ANGPT2: variants seen among roughly 807,000 people sequenced by gnomAD.
ANGPT2 encodes the protein angiopoietin-2.
In ANGPT2, 28 loss-of-function variants were observed where a neutral mutation model predicts 62.9. The ratio of observed to expected loss-of-function variants is 0.44; its 90% confidence interval spans 0.33 to 0.61. The LOEUF (loss-of-function observed/expected upper bound fraction) is 0.61. ANGPT2 is among the 20% of genes least tolerant of loss of function. ANGPT2 has a pLI of 0.03. For synonymous variants in ANGPT2, 284 were observed against 207.8 expected (o/e 1.37, Z -3.15); for missense variants, 727 against 594.9 (o/e 1.22, Z -2.31).
At chr8:6,516,923 G>C (rs1472418975) in intron 5 of ANGPT2, among the ~76,000 whole-genome samples, 1 of 152,132 alleles carries the variant, frequency 6.6e-6, no homozygotes, top group East Asian at 1.9e-4. Context: ...TAAATGATTT[G>C]AGCCATATGA....
intron 8 of ANGPT2, among the ~76,000 whole-genome samples, chr8:6,505,309 A>ATTCTTT (rs1377053213): frequency 7.5e-5 from 4 of 53,562 alleles, no homozygotes; most frequent in African/African-American, 4.4e-4. Context: ...ATATGTATAT[A>ATTCTTT]ACATATATAT....
intron 2 of ANGPT2, among the ~76,000 whole-genome samples, chr8:6,527,989 G>A (rs1023610166): frequency 1.3e-5 from 2 of 148,506 alleles, no homozygotes; most frequent in Admixed American, 1.4e-4. Context: ...TCCGCCTCCC[G>A]GGTTCAAGCA....
At chr8:6,513,407 A>C (rs552342039) in intron 7 of ANGPT2, among the ~76,000 whole-genome samples, 79 of 145,582 alleles carry the variant, frequency 5.4e-4, no homozygotes, top group Middle Eastern at 3.6e-3. Flanking sequence ...ATCTCGGCTC[A>C]CTGCAAGCTC....
chr8:6,550,349 G>A (rs1438089836), intron 1 of ANGPT2, among the ~76,000 whole-genome samples: 1 of 152,150 alleles, frequency 6.6e-6, no homozygotes, highest in African/African-American at 2.4e-5. Context: ...TGTGGCGTGG[G>A]GCTGTTGCAC....
chr8:6,518,508 G>A (rs193015812), intron 5 of ANGPT2, among the ~76,000 whole-genome samples: 2 of 152,272 alleles, frequency 1.3e-5, no homozygotes, highest in East Asian at 3.9e-4. Context: ...TCTTTGGAAA[G>A]CATTATGTTG....
At chr8:6,537,248 A>G (rs1248974674) in intron 1 of ANGPT2, among the ~76,000 whole-genome samples, 1 of 152,242 alleles carries the variant, frequency 6.6e-6, no homozygotes, top group East Asian at 1.9e-4. Context: ...ATCTGTAGGC[A>G]CACGTGTCTG....
At chr8:6,542,972 G>A (rs1047454181) in intron 1 of ANGPT2, among the ~76,000 whole-genome samples, 3 of 152,176 alleles carry the variant, frequency 2.0e-5, no homozygotes. Flanking sequence ...GGCAGGAAGC[G>A]TGTGTTGTTT....
chr8:6,555,058 A>G (rs1266168233), intron 1 of ANGPT2, among the ~76,000 whole-genome samples: 1 of 152,194 alleles, frequency 6.6e-6, no homozygotes, highest in African/African-American at 2.4e-5. Flanking sequence ...TAAAACAGTC[A>G]TTTTAATTCC....
chr8:6,550,778 C>G (rs1169987015), intron 1 of ANGPT2, among the ~76,000 whole-genome samples: 1 of 152,198 alleles, frequency 6.6e-6, no homozygotes, highest in Non-Finnish European at 1.5e-5. Context: ...GCTGGAGTTT[C>G]TTACCCATAT....
chr8:6,526,141 C>G (rs555059820), intron 3 of ANGPT2, among the ~76,000 whole-genome samples: 2 of 151,654 alleles, frequency 1.3e-5, no homozygotes, highest in East Asian at 3.9e-4. Flanking sequence ...AAAACGACGC[C>G]AGGTACGGTG....
chr8:6,553,574 G>A (rs1303561534), intron 1 of ANGPT2, among the ~76,000 whole-genome samples: 4 of 152,120 alleles, frequency 2.6e-5, no homozygotes, highest in African/African-American at 7.2e-5. Flanking sequence ...TTCAAACAAC[G>A]GGAGAACATG....
At chr8:6,530,558 T>C (rs1445050733) in intron 2 of ANGPT2, among the ~76,000 whole-genome samples, 2 of 85,274 alleles carry the variant, frequency 2.3e-5, no homozygotes, top group African/African-American at 8.1e-5. Flanking sequence ...CAGTTACTTT[T>C]GGTCCAACCT....
At chr8:6,516,400 T>G (rs1268226421) in intron 5 of ANGPT2, among the ~76,000 whole-genome samples, 1 of 152,196 alleles carries the variant, frequency 6.6e-6, no homozygotes, top group Non-Finnish European at 1.5e-5. Context: ...ACCTTCTAAG[T>G]GATATATAGG....
intron 1 of ANGPT2, among the ~76,000 whole-genome samples, chr8:6,550,868 G>T (rs1165090513): frequency 1.3e-5 from 2 of 152,174 alleles, no homozygotes; most frequent in African/African-American, 2.4e-5. Flanking sequence ...CCACCACAGT[G>T]ATGGTCAGCA....
intron 7 of ANGPT2, 52 bp downstream of exon 7, chr8:6,513,626 C>G: frequency 1.3e-6 from 2 of 1,541,136 alleles, no homozygotes; most frequent in Non-Finnish European, 1.8e-6. Flanking sequence ...AGCCACCGTG[C>G]CCGGCCACAA....
intron 1 of ANGPT2, among the ~76,000 whole-genome samples, chr8:6,533,765 A>G (rs1819982340): frequency 6.6e-6 from 1 of 152,122 alleles, no homozygotes; most frequent in Non-Finnish European, 1.5e-5. Context: ...TTAAAAACTT[A>G]GAATTCTTTA....
chr8:6,538,361 A>G (rs1820887287), intron 1 of ANGPT2, among the ~76,000 whole-genome samples: 1 of 152,198 alleles, frequency 6.6e-6, no homozygotes, highest in Admixed American at 6.5e-5. Flanking sequence ...CTGGCCACGC[A>G]TCCCCCAGCT....
chr8:6,521,326 C>G lies in ANGPT2; in HGVS notation c.651G>C (p.Gln217His), dbSNP rs773025622. The change falls in exon 4 of 9, where the codon CAG becomes CAC. Residue 217 changes from glutamine (Q) to histidine (H), a missense_variant. Physicochemically the swap from Gln to His is conservative, Grantham distance 24. Coordinates refer to ENST00000629816, the MANE Select transcript of ANGPT2 (RefSeq NM_001118887.2). The stretch of plus-strand genomic sequence containing the variant: ...TGGAATTTTGCTTGGATACTAACAC[C>G]TGTAGCTGATCTTTCTCTTCTTTTA... ...QSIKEEKDQL[Q>H]VLVSKQNSII... 21 of 1,613,680 alleles carry G rather than the reference C, an allele frequency of 1.3e-5. No individual in the cohort carries two copies. Among genetic ancestry groups the G allele is most frequent in the Admixed American group, 1.0e-4 (6 of 60,000 alleles).
At chr8:6,557,456 T>C (rs1187923722) in intron 1 of ANGPT2, among the ~76,000 whole-genome samples, 1 of 152,136 alleles carries the variant, frequency 6.6e-6, no homozygotes, top group Non-Finnish European at 1.5e-5. Flanking sequence ...CAAAGTTCAG[T>C]GGCTGTCTTT....
Sources: gnomAD v4.1 joint callset for allele counts (sites outside exome capture counted in the v4.1 genomes callset) on GRCh38, gnomAD v4.1.1 for gene constraint, MANE v1.5 for transcripts, NCBI Gene and HGNC (gene_info 2026-07-23, HGNC 2026-07-21) for gene names.